The following TOM1L1 variants were observed in gnomAD, a reference collection of about 807,000 sequenced individuals.
TOM1L1 encodes the protein TOM1-like protein 1.
TOM1L1 carries 64 observed loss-of-function variants against 63.4 expected under a neutral mutation model. That is an observed-to-expected ratio of 1.01 (90% CI 0.83 to 1.24). The LOEUF is 1.24. Ranked by LOEUF, TOM1L1 falls within the 50% of genes most tolerant of loss-of-function variation. TOM1L1 has a pLI of 0.00. For missense variants in TOM1L1, 536 were observed against 567.0 expected (o/e 0.95, Z 0.55); for synonymous variants, 166 against 194.4 (o/e 0.85, Z 1.22).
intron 11 of TOM1L1, among the ~76,000 whole-genome samples, chr17:54,941,963 T>G (rs550341712): frequency 6.6e-6 from 1 of 152,230 alleles, no homozygotes. Flanking sequence ...TTAAAATGTC[T>G]TATAATGTTG....
At chr17:54,928,265 C>G (rs2048800345) in intron 7 of TOM1L1, among the ~76,000 whole-genome samples, 1 of 152,040 alleles carries the variant, frequency 6.6e-6, no homozygotes, top group South Asian at 2.1e-4. Flanking sequence ...TACCGACTAC[C>G]TCTGTATGCC....
At chr17:54,944,429 G>A (rs11079141) in intron 11 of TOM1L1, among the ~76,000 whole-genome samples, 44,173 of 149,048 alleles carry the variant, frequency 0.3, 6,803 homozygotes, top group African/African-American at 0.36. Flanking sequence ...CAGCCTGGGC[G>A]ACACAGCAAG....
Position 54,900,861 on chromosome 17 carries a change from C to T in TOM1L1, c.-5C>T. 5 of 1,613,482 alleles carry T rather than the reference C, an allele frequency of 3.1e-6. No individual in the cohort carries two copies. The highest frequency in any genetic ancestry group is 4.2e-6 in the Non-Finnish European group (5 of 1,180,028). ...ATTTCCTGGGCCCGGCCCTCTGGCG[C>T]TACCATGGCGTTTGGCAAGAGTCAC... On this transcript the variant is annotated 5_prime_UTR_variant, in exon 1 of 16. Transcript: ENST00000575882.
At chr17:54,931,949 GT>G (rs10632110) in intron 8 of TOM1L1, among the ~76,000 whole-genome samples, 10 of 121,522 alleles carry the variant, frequency 8.2e-5, no homozygotes, top group East Asian at 4.6e-4. Context: ...TTTTTTCTTC[GT>G]TTTTTTTTTG....
At position 54,905,528 on chromosome 17, in the gene TOM1L1, CA is replaced by C; in HGVS notation, c.188del (p.Asn63ThrfsTer28). ...AVKALKKRISKNYNHKEIQLT... is the reference protein window; with the variant it reads ...AVKALKKRISXNYNHKEIQLT... ...TGAAAGCTTTGAAGAAAAGGATTTC[CA>C]AAAACTACAATCATAAAGAAATCCA... On this transcript the variant is annotated frameshift_variant, in exon 3 of 16. Coordinates refer to ENST00000575882, the MANE Select transcript of TOM1L1 (RefSeq NM_005486.3). LOFTEE classifies it high-confidence loss of function. 6.2e-7 allele frequency: 1 copy of C among 1,611,472 alleles called. No individual in the cohort carries two copies. The highest frequency in any genetic ancestry group is 8.5e-7 in the Non-Finnish European group (1 of 1,178,586).
chr17:54,947,443 G>C (rs1338981979), intron 12 of TOM1L1, 131 bp downstream of exon 12: 4 of 1,034,046 alleles, frequency 3.9e-6, no homozygotes, highest in Non-Finnish European at 5.7e-6. Flanking sequence ...TTAGCAAGAT[G>C]GTAAGGATCA....
intron 14 of TOM1L1, among the ~76,000 whole-genome samples, chr17:54,950,337 T>C (rs1351880461): frequency 6.6e-6 from 1 of 152,152 alleles, no homozygotes; most frequent in Non-Finnish European, 1.5e-5. Context: ...AATGCTGGGG[T>C]TGCATGTTAA....
intron 11 of TOM1L1, among the ~76,000 whole-genome samples, chr17:54,946,280 T>G (rs956048401): frequency 6.6e-6 from 1 of 152,178 alleles, no homozygotes; most frequent in Admixed American, 6.5e-5. Flanking sequence ...TTCATGAGGT[T>G]GTTTTCCTGA....
Position 54,937,005 on chromosome 17 carries a change from A to G in TOM1L1, c.916-104A>G, listed in dbSNP as rs2048958335. On this transcript the variant is annotated intron_variant, in intron 9 of 15. Coordinates refer to ENST00000575882, the MANE Select transcript of TOM1L1 (RefSeq NM_005486.3). ...CTCGTTGAGTGGAGAATTCTTCCTT[A>G]AAATGCATCCAAATAGGATCCTCCC... 1.1e-5 allele frequency: 11 copies of G among 978,434 alleles called. No homozygotes were observed. The South Asian group carries it at 1.6e-4, about 14-fold the overall frequency. 60.6% of individuals were successfully genotyped at this position (978,434 alleles called of 1,614,324 possible).
chr17:54,905,699 T>C, intron 3 of TOM1L1, 132 bp downstream of exon 3: 1 of 601,924 alleles, frequency 1.7e-6, no homozygotes, highest in East Asian at 2.9e-5. Context: ...GTGTACAGTA[T>C]GACTTAAAAC....
chr17:54,960,821 A>G (rs1314469910), intron 15 of TOM1L1, among the ~76,000 whole-genome samples, 194 bp downstream of exon 15: 1 of 152,182 alleles, frequency 6.6e-6, no homozygotes, highest in Non-Finnish European at 1.5e-5. Flanking sequence ...TGATTTTCTC[A>G]TCTGTAAATA....
chr17:54,947,180 T>A (rs1437023214), intron 11 of TOM1L1, 81 bp from the exon 12 acceptor site: 15 of 1,409,654 alleles, frequency 1.1e-5, no homozygotes, highest in Non-Finnish European at 1.5e-5. Flanking sequence ...GGTTTTGTTT[T>A]TAGACTAGGA....
intron 10 of TOM1L1, chr17:54,937,917 A>T (rs971879518): frequency 4.6e-5 from 7 of 152,180 alleles, no homozygotes; most frequent in Admixed American, 3.3e-4. Flanking sequence ...GGTTTGGCAA[A>T]TTACAAAATA....
chr17:54,960,678 T>G (rs1366253699), intron 15 of TOM1L1, 51 bp downstream of exon 15: 1 of 1,363,022 alleles, frequency 7.3e-7, no homozygotes. Flanking sequence ...ATAATTTCAG[T>G]ATAATTATCA....
At chr17:54,945,368 A>T (rs566704961) in intron 11 of TOM1L1, among the ~76,000 whole-genome samples, 38 of 152,198 alleles carry the variant, frequency 2.5e-4, no homozygotes, top group Non-Finnish European at 3.1e-4. Context: ...GGGGGCCACC[A>T]TTTAACCCAC....
chr17:54,930,234 C>G (rs749841345), intron 8 of TOM1L1, 28 bp downstream of exon 8: 2 of 1,612,784 alleles, frequency 1.2e-6, no homozygotes, highest in Non-Finnish European at 1.7e-6. Context: ...CCTCTTTACC[C>G]CTCTTCCATT....
At chr17:54,951,967 G>A (rs3087650) in intron 14 of TOM1L1, 31,746 of 152,090 alleles carry the variant, frequency 0.21, 3,883 homozygotes, top group Non-Finnish European at 0.27. Context: ...ATCAGAAAGC[G>A]TTCTTCTGTA....
intron 3 of TOM1L1, among the ~76,000 whole-genome samples, chr17:54,907,960 G>A (rs559432606): frequency 2.0e-5 from 3 of 152,228 alleles, no homozygotes; most frequent in East Asian, 1.9e-4. Context: ...TCCCTGTGAC[G>A]ACGGACCAGG....
intron 2 of TOM1L1, 48 bp downstream of exon 2, chr17:54,903,840 A>G (rs2048366389): frequency 6.6e-7 from 1 of 1,507,868 alleles, no homozygotes; most frequent in Non-Finnish European, 9.2e-7. Context: ...AAGAAGCATC[A>G]GAACTACAGC....
Sources: gnomAD v4.1 joint callset for allele counts (sites outside exome capture counted in the v4.1 genomes callset) on GRCh38, gnomAD v4.1.1 for gene constraint, MANE v1.5 for transcripts, NCBI Gene and HGNC (gene_info 2026-07-23, HGNC 2026-07-21) for gene names.